The following SLIT2 variants were observed in gnomAD, a reference collection of about 807,000 sequenced individuals.
SLIT2 encodes the protein slit homolog 2 protein.
Under a neutral mutation model 185.7 loss-of-function variants are expected in SLIT2, and 41 were observed. That is an observed-to-expected ratio of 0.22 (90% CI 0.17 to 0.29). The LOEUF is 0.29. Among genes scored for constraint, SLIT2 ranks in the 10% least tolerant of loss-of-function variants. SLIT2 has a pLI of 1.00. For missense variants in SLIT2, 1,571 were observed against 1,909.0 expected (o/e 0.82, Z 3.30); for synonymous variants, 693 against 680.2 (o/e 1.02, Z -0.29).
At chr4:20,259,322 A>G (rs1367152632) in intron 3 of SLIT2, among the ~76,000 whole-genome samples, 2 of 151,742 alleles carry the variant, frequency 1.3e-5, no homozygotes, top group Non-Finnish European at 3.0e-5. Flanking sequence ...AAGATATTTT[A>G]ATCTTTAAGA....
chr4:20,497,624 G>A (rs3822188), intron 9 of SLIT2, among the ~76,000 whole-genome samples: 1,582 of 152,162 alleles, frequency 0.01, 24 homozygotes, highest in East Asian at 0.07. Flanking sequence ...CCTATTCTCC[G>A]TTAAATGTTC....
At chr4:20,410,928 TA>T (rs1324710933) in intron 4 of SLIT2, among the ~76,000 whole-genome samples, 1 of 152,184 alleles carries the variant, frequency 6.6e-6, no homozygotes, top group African/African-American at 2.4e-5. Flanking sequence ...AATTTTAAAG[TA>T]TTTTTTTCTA....
intron 4 of SLIT2, among the ~76,000 whole-genome samples, chr4:20,304,053 G>C (rs532858703): frequency 2.0e-5 from 3 of 152,296 alleles, no homozygotes; most frequent in African/African-American, 7.2e-5. Context: ...ACCATTTTGA[G>C]GGTGGGTTTG....
Position 20,403,408 on chromosome 4 carries a change from C to T in SLIT2, c.396-64344C>T, listed in dbSNP as rs1267186344. The stretch of plus-strand genomic sequence containing the variant: ...CATTGAATTTCACTTTTTTGAACCT[C>T]CGTTGCTGGGGCATTGGTTGCTGGA... On this transcript the variant is annotated intron_variant, in intron 4 of 36. Coordinates refer to ENST00000504154, the MANE Select transcript of SLIT2 (RefSeq NM_004787.4). 2.0e-5 allele frequency among the ~76,000 whole-genome samples: 3 copies of T among 151,878 alleles called. No homozygotes were observed. In the South Asian group the frequency reaches 6.2e-4, roughly 31 times the overall value.
chr4:20,467,843 T>C lies in SLIT2; in HGVS notation c.467+20T>C, dbSNP rs755833975. 1 of 1,250,058 alleles carries C rather than the reference T, an allele frequency of 8.0e-7. No individual in the cohort carries two copies. The highest frequency in any genetic ancestry group is 1.1e-6 in the Non-Finnish European group (1 of 872,256). The allele number at this position is 1,250,058 out of a possible 1,614,324, so 77.4% of individuals were successfully genotyped here. ...AAATTTGTAAGTATCTATTTTTAAA[T>C]TTATAGTGTTTTAAGTCATTATCTA... On this transcript the variant is annotated intron_variant, in intron 5 of 36. Transcript: ENST00000504154.
At chr4:20,345,863 T>A (rs1167409712) in intron 4 of SLIT2, among the ~76,000 whole-genome samples, 2 of 152,046 alleles carry the variant, frequency 1.3e-5, no homozygotes, top group Non-Finnish European at 2.9e-5. Flanking sequence ...TGACTCTTCT[T>A]GATCCCCTTT....
At chr4:20,456,222 C>G (rs987665239) in intron 4 of SLIT2, among the ~76,000 whole-genome samples, 1 of 152,054 alleles carries the variant, frequency 6.6e-6, no homozygotes, top group African/African-American at 2.4e-5. Flanking sequence ...TAACTGAAAA[C>G]TTCTTAGTCC....
chr4:20,597,507 G>T (rs1577997585), intron 32 of SLIT2, among the ~76,000 whole-genome samples: 1 of 152,164 alleles, frequency 6.6e-6, no homozygotes, highest in East Asian at 1.9e-4. Flanking sequence ...AGCTGCACTA[G>T]ATTAAAGATA....
At chr4:20,381,346 A>G (rs1724494400) in intron 4 of SLIT2, among the ~76,000 whole-genome samples, 1 of 152,186 alleles carries the variant, frequency 6.6e-6, no homozygotes, top group South Asian at 2.1e-4. Context: ...AATCATACAG[A>G]ATAATAAATA....
At chr4:20,551,947 G>T (rs1339542751) in intron 25 of SLIT2, among the ~76,000 whole-genome samples, 1 of 152,100 alleles carries the variant, frequency 6.6e-6, no homozygotes, top group African/African-American at 2.4e-5. Context: ...GCCTTATAGA[G>T]TCTGTGTTAT....
intron 4 of SLIT2, among the ~76,000 whole-genome samples, chr4:20,369,504 G>A (rs1255895616): frequency 6.6e-6 from 1 of 152,126 alleles, no homozygotes; most frequent in East Asian, 1.9e-4. Context: ...TGTATGTCCT[G>A]CAAAGTCTAA....
intron 28 of SLIT2, among the ~76,000 whole-genome samples, chr4:20,567,907 C>T (rs958698911): frequency 6.6e-6 from 1 of 152,036 alleles, no homozygotes; most frequent in Admixed American, 6.6e-5. Flanking sequence ...AATATTGGCT[C>T]CATTATACTA....
intron 9 of SLIT2, among the ~76,000 whole-genome samples, chr4:20,493,208 G>A (rs1019837691): frequency 1.3e-5 from 2 of 152,084 alleles, no homozygotes; most frequent in African/African-American, 4.8e-5. Flanking sequence ...AACCTAATTA[G>A]AATAACAGGA....
intron 22 of SLIT2, among the ~76,000 whole-genome samples, chr4:20,547,036 A>G (rs1016064045): frequency 2.0e-5 from 3 of 152,262 alleles, no homozygotes; most frequent in African/African-American, 7.2e-5. Flanking sequence ...AGCAAAAAAT[A>G]TTACATGCCC....
intron 15 of SLIT2, among the ~76,000 whole-genome samples, chr4:20,527,532 G>C (rs1247106977): frequency 6.6e-6 from 1 of 152,096 alleles, no homozygotes; most frequent in African/African-American, 2.4e-5. Flanking sequence ...TGATCCGCCC[G>C]CCTTGGCCTC....
At chr4:20,594,074 TG>T (rs780678748) in intron 30 of SLIT2, among the ~76,000 whole-genome samples, 16 of 148,634 alleles carry the variant, frequency 1.1e-4, no homozygotes, top group South Asian at 6.3e-4. Context: ...GCCTGAATTC[TG>T]CAGAGCTAAG....
At chr4:20,472,464 ATC>A (rs1446185077) in intron 5 of SLIT2, among the ~76,000 whole-genome samples, 2 of 53,712 alleles carry the variant, frequency 3.7e-5, no homozygotes, top group South Asian at 6.9e-4. Context: ...ATATATCTAT[ATC>A]TATATATAGA....
intron 4 of SLIT2, among the ~76,000 whole-genome samples, chr4:20,348,341 C>A (rs189062682): frequency 1.4e-3 from 214 of 152,004 alleles, no homozygotes; most frequent in Non-Finnish European, 2.5e-3. Flanking sequence ...CAGGTTGAAG[C>A]AATTCTTCTG....
intron 4 of SLIT2, among the ~76,000 whole-genome samples, chr4:20,305,463 C>T (rs2109117800): frequency 6.6e-6 from 1 of 152,140 alleles, no homozygotes; most frequent in East Asian, 1.9e-4. Context: ...GTATGGGAAC[C>T]CCCTATTCAA....
Sources: allele counts gnomAD v4.1 joint callset (sites outside exome capture counted in the v4.1 genomes callset), GRCh38; gene constraint gnomAD v4.1.1; transcripts MANE v1.5; gene names NCBI Gene and HGNC (gene_info 2026-07-23, HGNC 2026-07-21).